GPR137C: variants seen among roughly 807,000 people sequenced by gnomAD.
GPR137C encodes G protein-coupled receptor 137C, also known as integral membrane protein GPR137C.
A neutral mutation model predicts 43.4 loss-of-function variants in GPR137C; 27 were observed. The ratio of observed to expected loss-of-function variants is 0.62; its 90% CI spans 0.46 to 0.86. GPR137C has a LOEUF of 0.86. Among genes scored for constraint, GPR137C ranks in the 40% least tolerant of loss-of-function variants. The pLI is 0.00. For missense variants in GPR137C, 522 were observed against 534.6 expected, an observed-to-expected ratio of 0.98 and a Z score of 0.23; for synonymous variants, 285 against 226.9, an observed-to-expected ratio of 1.26 and a Z score of -2.30.
chr14:52,581,600 A>G (rs1415469054), intron 1 of GPR137C, among the ~76,000 whole-genome samples: 4 of 152,110 alleles, frequency 2.6e-5, no homozygotes, highest in Admixed American at 6.6e-5. Context: ...TGGCTAAAGT[A>G]GCTAAATGCT....
intron 2 of GPR137C, among the ~76,000 whole-genome samples, chr14:52,599,551 A>T (rs995454393): frequency 8.0e-5 from 12 of 150,846 alleles, no homozygotes; most frequent in South Asian, 6.2e-4. Flanking sequence ...CTTGTGCCTC[A>T]GCCTCCTGAA....
chr14:52,576,910 C>G (rs2038561158), intron 1 of GPR137C, among the ~76,000 whole-genome samples: 1 of 152,136 alleles, frequency 6.6e-6, no homozygotes, highest in South Asian at 2.1e-4. Context: ...TGTAAATAGG[C>G]TGGGCTCAGT....
intron 1 of GPR137C, among the ~76,000 whole-genome samples, chr14:52,593,669 C>T (rs1008014109): frequency 2.6e-5 from 4 of 152,064 alleles, no homozygotes; most frequent in South Asian, 4.2e-4. Context: ...GTGGGATCGG[C>T]GATGATATCC....
At position 52,562,947 on chromosome 14, in the gene GPR137C, C is replaced by A. The variant is rs537164155; in HGVS notation, c.444+9356C>A. On this transcript the variant is annotated intron_variant, in intron 1 of 6. Transcript: ENST00000321662. ...CCTAATACCTTTCTTCATAATCAAA[C>A]TTCTTTCAGAGGTGACCATGAATAT... Among the ~76,000 whole-genome samples the A allele has an allele frequency of 2.6e-5, 4 of 152,308 alleles. No individual in the cohort carries two copies. The South Asian group carries it at 8.3e-4, about 32-fold the overall frequency.
chr14:52,610,672 G>A (rs2039029156), intron 3 of GPR137C, among the ~76,000 whole-genome samples: 1 of 152,220 alleles, frequency 6.6e-6, no homozygotes, highest in Non-Finnish European at 1.5e-5. Context: ...TGGGTAAGGA[G>A]GGGACGACTG....
intron 1 of GPR137C, among the ~76,000 whole-genome samples, chr14:52,574,384 A>C (rs1409562424): frequency 6.6e-6 from 1 of 152,234 alleles, no homozygotes; most frequent in Non-Finnish European, 1.5e-5. Context: ...AATACTATGC[A>C]GCCATAAAAA....
intron 6 of GPR137C, 102 bp from the exon 7 acceptor site, chr14:52,634,836 C>T (rs907761233): frequency 6.1e-5 from 59 of 974,282 alleles, no homozygotes; most frequent in Middle Eastern, 2.1e-4. Context: ...TATTTGAGTG[C>T]TAACTTTATT....
Position 52,595,609 on chromosome 14 carries a change from C to T in GPR137C, c.445-2663C>T, listed in dbSNP as rs181393632. ...TATCCTTTCTTCCACTTGATTGAAT[C>T]GGCTATTGAAGCTTGTGCATGCATC... On this transcript the variant is annotated intron_variant, in intron 1 of 6. Coordinates refer to ENST00000321662, the MANE Select transcript of GPR137C (RefSeq NM_001099652.2). Among the ~76,000 whole-genome samples, 563 of 152,194 alleles carry T rather than the reference C, an allele frequency of 3.7e-3. 5 individuals carry two copies. Among genetic ancestry groups the T allele is most frequent in the African/African-American group, 0.013 (531 of 41,522 alleles).
In GPR137C at chr14:52,632,210, G is replaced by A. The variant is rs61742505; in HGVS notation, c.768G>A (p.Leu256=). The part of the protein sequence containing the change: ...TVVVGSVVIL[L]YSSRACYNLV... ...TCGTGGGCTCTGTAGTCATTCTTCT[G>A]TACTCTTCCAGAGCTTGTTATAATT... is the stretch of plus-strand genomic sequence containing the variant. Residue 256 remains leucine, a synonymous_variant, in exon 4 of 7, where the codon CTG becomes CTA. Coordinates refer to ENST00000321662, the MANE Select transcript of GPR137C (RefSeq NM_001099652.2). 3 of 1,607,580 alleles carry A rather than the reference G, an allele frequency of 1.9e-6. No homozygotes were observed. Among genetic ancestry groups the A allele is most frequent in the Middle Eastern group, 3.3e-4 (2 of 6,052 alleles).
At chr14:52,592,042 T>C (rs1047682910) in intron 1 of GPR137C, among the ~76,000 whole-genome samples, 1 of 152,242 alleles carries the variant, frequency 6.6e-6, no homozygotes, top group Non-Finnish European at 1.5e-5. Flanking sequence ...TTTCTGCATA[T>C]AGCTAGCCAG....
intron 1 of GPR137C, among the ~76,000 whole-genome samples, chr14:52,563,663 A>C (rs1191754144): frequency 6.6e-6 from 1 of 151,814 alleles, no homozygotes; most frequent in Non-Finnish European, 1.5e-5. Flanking sequence ...CACACACACA[A>C]CTTGGTTCTC....
chr14:52,558,384 T>C (rs995894468), intron 1 of GPR137C, among the ~76,000 whole-genome samples: 1 of 152,138 alleles, frequency 6.6e-6, no homozygotes, highest in African/African-American at 2.4e-5. Flanking sequence ...GGGGTACAAA[T>C]TGGTAAATAA....
intron 1 of GPR137C, among the ~76,000 whole-genome samples, chr14:52,582,790 T>G (rs1271543725): frequency 1.3e-5 from 2 of 151,216 alleles, no homozygotes; most frequent in Non-Finnish European, 2.9e-5. Context: ...TGAGACTCTG[T>G]CTCCAAAAAT....
intron 3 of GPR137C, among the ~76,000 whole-genome samples, chr14:52,611,067 G>T (rs2039033702): frequency 6.6e-6 from 1 of 151,972 alleles, no homozygotes; most frequent in African/African-American, 2.4e-5. Context: ...ATTTTATAAT[G>T]CTATCATTAA....
intron 1 of GPR137C, among the ~76,000 whole-genome samples, chr14:52,578,505 G>T (rs2038597094): frequency 6.6e-6 from 1 of 151,976 alleles, no homozygotes; most frequent in Non-Finnish European, 1.5e-5. Context: ...TTTTGTTCAT[G>T]AGCTCCATAT....
chr14:52,590,697 G>A (rs1047091572), intron 1 of GPR137C, among the ~76,000 whole-genome samples: 2 of 152,138 alleles, frequency 1.3e-5, no homozygotes, highest in Non-Finnish European at 2.9e-5. Flanking sequence ...GCAGTAACAT[G>A]CTGTACAGGT....
At chr14:52,576,338 A>G (rs1226200530) in intron 1 of GPR137C, among the ~76,000 whole-genome samples, 1 of 152,250 alleles carries the variant, frequency 6.6e-6, no homozygotes, top group African/African-American at 2.4e-5. Context: ...TCCATGGTCC[A>G]TATATACCAC....
At chr14:52,569,913 A>G (rs2038438387) in intron 1 of GPR137C, among the ~76,000 whole-genome samples, 1 of 151,884 alleles carries the variant, frequency 6.6e-6, no homozygotes, top group African/African-American at 2.4e-5. Context: ...CTGAAGTGGG[A>G]AAACACTCTT....
chr14:52,593,319 T>C (rs913403800), intron 1 of GPR137C, among the ~76,000 whole-genome samples: 4 of 152,184 alleles, frequency 2.6e-5, no homozygotes, highest in Non-Finnish European at 5.9e-5. Flanking sequence ...CTGCCAGGCC[T>C]TTGTGTCGGG....
Sources: gnomAD v4.1 joint callset for allele counts (sites outside exome capture counted in the v4.1 genomes callset) on GRCh38, gnomAD v4.1.1 for gene constraint, MANE v1.5 for transcripts, NCBI Gene and HGNC (gene_info 2026-07-23, HGNC 2026-07-21) for gene names.